The following BRI3 variants were observed in gnomAD, a reference collection of about 807,000 sequenced individuals.
The protein encoded by BRI3 is brain protein I3.
BRI3 carries 6 observed loss-of-function variants against 12.8 expected under a neutral mutation model. That is an observed-to-expected ratio of 0.47 (90% CI 0.26 to 0.93). The LOEUF (loss-of-function observed/expected upper bound fraction) is 0.93. BRI3 is among the 40% of genes least tolerant of loss of function. The pLI is 0.15. For synonymous variants in BRI3, 91 were observed against 76.1 expected (o/e 1.20, Z -1.02); for missense variants, 134 against 171.1 (o/e 0.78, Z 1.21).
At chr7:98,288,938 G>A (rs1444521879) in intron 2 of BRI3, among the ~76,000 whole-genome samples, 1 of 152,022 alleles carries the variant, frequency 6.6e-6, no homozygotes, top group Admixed American at 6.6e-5. Flanking sequence ...CTAGAGGGAG[G>A]CAGGTGGGCA....
chr7:98,293,956 C>T, downstream of BRI3: 1 of 1,209,752 alleles, frequency 8.3e-7, no homozygotes, highest in Non-Finnish European at 1.2e-6. Context: ...CATGGCTCCA[C>T]AGGCCGAGGC....
upstream of BRI3, among the ~76,000 whole-genome samples, chr7:98,304,555 T>A (rs7785612): frequency 0.39 from 58,438 of 151,776 alleles, 12,756 homozygotes; most frequent in Middle Eastern, 0.54. Context: ...CTGTATTTTT[T>A]AAATTTTTTT....
downstream of BRI3, among the ~76,000 whole-genome samples, chr7:98,311,494 T>C (rs1488958587): frequency 1.3e-5 from 2 of 150,960 alleles, no homozygotes; most frequent in East Asian, 2.0e-4. Flanking sequence ...TGAGCCGAGA[T>C]TGCGCCATTG....
the BRI3 span, among the ~76,000 whole-genome samples, chr7:98,316,757 AAC>A: frequency 2.0e-5 from 3 of 152,148 alleles, no homozygotes; most frequent in Non-Finnish European, 2.9e-5. Context: ...CCCATTAACC[AAC>A]CTCTCCTTCA....
At chr7:98,286,757 C>A (rs1450898899) in intron 2 of BRI3, among the ~76,000 whole-genome samples, 1 of 152,174 alleles carries the variant, frequency 6.6e-6, no homozygotes, top group Non-Finnish European at 1.5e-5. Context: ...AGGTCTAGGG[C>A]AGTACTGCAG....
In BRI3 at chr7:98,290,975, GT is replaced by G. The variant is rs1160079803; in HGVS notation, c.246-132del. 17 of 1,031,622 alleles carry G rather than the reference GT, an allele frequency of 1.6e-5. No homozygotes were observed. In the Admixed American group the frequency reaches 3.5e-4, roughly 21 times the overall value. 63.9% of individuals were successfully genotyped at this position (1,031,622 alleles called of 1,614,324 possible). A position where few individuals can be genotyped will look rare whatever the true frequency, so the allele number is the denominator to read the frequency against. On this transcript the variant is annotated intron_variant, in intron 2 of 2. Coordinates refer to ENST00000297290, the MANE Select transcript of BRI3 (RefSeq NM_015379.5). Reference sequence around the variant, plus strand: ...TAGCTGGGTGGTGGGGTGGGGGGCTGTTTTCTGTCACTCGCCAGAGGTCCCC... The same window carrying G: ...TAGCTGGGTGGTGGGGTGGGGGGCTGTTTCTGTCACTCGCCAGAGGTCCCC...
chr7:98,296,326 A>G (rs1042399196), downstream of BRI3, among the ~76,000 whole-genome samples: 3 of 152,268 alleles, frequency 2.0e-5, no homozygotes, highest in Non-Finnish European at 4.4e-5. Context: ...TACAATGTTT[A>G]CTTTAAAATA....
At chr7:98,319,437 T>C in the BRI3 span, among the ~76,000 whole-genome samples, 1 of 152,198 alleles carries the variant, frequency 6.6e-6, no homozygotes. Flanking sequence ...AAGTGTTATG[T>C]CTGCATCAGC....
upstream of BRI3, chr7:98,304,432 A>G: frequency 3.2e-6 from 5 of 1,576,700 alleles, no homozygotes; most frequent in Non-Finnish European, 4.3e-6. Context: ...ACCAAACCCC[A>G]AACATCCTCT....
chr7:98,319,377 A>G, the BRI3 span, among the ~76,000 whole-genome samples: 3 of 152,164 alleles, frequency 2.0e-5, no homozygotes, highest in Non-Finnish European at 4.4e-5. Context: ...GGAGCCCCGG[A>G]CGGTGCTCTC....
downstream of BRI3, among the ~76,000 whole-genome samples, chr7:98,311,443 C>T (rs866827173): frequency 9.9e-5 from 15 of 151,518 alleles, no homozygotes; most frequent in Admixed American, 6.6e-4. Flanking sequence ...ACTTGGAAGG[C>T]TGAGGCAGAA....
upstream of BRI3, chr7:98,304,192 T>C: frequency 6.3e-7 from 1 of 1,579,062 alleles, no homozygotes; most frequent in Non-Finnish European, 8.6e-7. Context: ...GCGGCTTTAC[T>C]CACAGGAGCC....
chr7:98,301,223 A>T (rs1279101395), intron 1 of BRI3, among the ~76,000 whole-genome samples: 1 of 152,118 alleles, frequency 6.6e-6, no homozygotes, highest in East Asian at 1.9e-4. Flanking sequence ...TCAGTGATAA[A>T]CATGACCTCC....
chr7:98,282,031 G>A (rs566942684), intron 1 of BRI3, 94 bp downstream of exon 1: 18 of 1,306,350 alleles, frequency 1.4e-5, no homozygotes, highest in Middle Eastern at 2.9e-4. Context: ...GCCCGCCCGG[G>A]GGTCCTTCCT....
At chr7:98,313,564 T>C (rs1800958128), downstream of BRI3, among the ~76,000 whole-genome samples, 1 of 152,182 alleles carries the variant, frequency 6.6e-6, no homozygotes. Context: ...AGTACAGACA[T>C]GCTGTTGACA....
chr7:98,315,614 T>TAAAAAA, the BRI3 span: 1 of 772,466 alleles, frequency 1.3e-6, no homozygotes, highest in African/African-American at 2.0e-5. Context: ...CTCCACATAC[T>TAAAAAA]AAAAAAAAAA....
At chr7:98,311,947 C>T (rs1584441594), downstream of BRI3, 6 of 736,358 alleles carry the variant, frequency 8.1e-6, no homozygotes, top group East Asian at 5.3e-5. Context: ...CAGCTACCTT[C>T]GCCCCTAAAG....
intron 1 of BRI3, among the ~76,000 whole-genome samples, chr7:98,300,136 TGGCTGCTGGACTG>T (rs1800360630): frequency 6.6e-6 from 1 of 152,262 alleles, no homozygotes; most frequent in Non-Finnish European, 1.5e-5. Flanking sequence ...GTGTGCCCTG[TGGCTGCTGGACTG>T]GGCAGGGAAC....
chr7:98,283,868 C>T (rs1019759738), intron 2 of BRI3, among the ~76,000 whole-genome samples: 6 of 152,172 alleles, frequency 3.9e-5, no homozygotes, highest in African/African-American at 1.2e-4. Context: ...GAGAGACCAG[C>T]GGCAGCGAGG....
Sources: gnomAD v4.1 joint callset for allele counts (sites outside exome capture counted in the v4.1 genomes callset) on GRCh38, gnomAD v4.1.1 for gene constraint, MANE v1.5 for transcripts, NCBI Gene and HGNC (gene_info 2026-07-23, HGNC 2026-07-21) for gene names.